Variants in MOB1B observed in about 807,000 individuals in gnomAD.
MOB1B encodes MOB1 Mps One Binder homolog B.
In MOB1B, 19 loss-of-function variants were observed where a neutral mutation model predicts 24.4. The observed-to-expected ratio is 0.78, with a 90% CI of 0.54 to 1.14. The LOEUF (loss-of-function observed/expected upper bound fraction) is 1.14, where lower values mean the gene tolerates loss of function less well. Among genes scored for constraint, MOB1B ranks in the 50% most tolerant of loss-of-function variants. The probability of loss-of-function intolerance (pLI) is 0.00; values close to 1 mark genes in which losing one functional copy is unlikely to be tolerated. For missense variants in MOB1B, 243 were observed against 259.6 expected (o/e 0.94, Z 0.44); for synonymous variants, 76 against 82.1 (o/e 0.93, Z 0.40).
At chr4:70,950,427 CAAAA>C (rs34937726) in intron 1 of MOB1B, among the ~76,000 whole-genome samples, 7 of 70,404 alleles carry the variant, frequency 9.9e-5, no homozygotes, top group Non-Finnish European at 1.7e-4. Context: ...GTCTCTGTAT[CAAAA>C]AAAAAAAAAA....
At chr4:70,957,289 A>G (rs1425823728) in intron 1 of MOB1B, among the ~76,000 whole-genome samples, 4 of 151,008 alleles carry the variant, frequency 2.6e-5, no homozygotes, top group East Asian at 1.9e-4. Flanking sequence ...CAGAAAAAAA[A>G]AAGTTCCCAC....
Position 70,983,767 on chromosome 4 carries a change from C to G in MOB1B, c.*1710C>G, listed in dbSNP as rs1029906987. 1 of 152,604 alleles carries G rather than the reference C, an allele frequency of 6.6e-6. No individual in the cohort carries two copies. Among genetic ancestry groups the G allele is most frequent in the African/African-American group, 2.4e-5 (1 of 41,462 alleles). The allele number at this position is 152,604 out of a possible 1,614,324, so 9.5% of individuals were successfully genotyped here. On this transcript the variant is annotated 3_prime_UTR_variant, in exon 6 of 6. Coordinates refer to ENST00000309395, the MANE Select transcript of MOB1B (RefSeq NM_173468.4). Reference sequence around the variant, plus strand: ...CTAGAAACTGCCTTTTTCTCCACTTCATTTCTAGCAATTATTTACCAAGTA... The same window carrying G: ...CTAGAAACTGCCTTTTTCTCCACTTGATTTCTAGCAATTATTTACCAAGTA...
chr4:70,951,606 A>T (rs1002305605), intron 1 of MOB1B, among the ~76,000 whole-genome samples: 2 of 152,228 alleles, frequency 1.3e-5, no homozygotes, highest in African/African-American at 4.8e-5. Context: ...TCTAGTCAGC[A>T]TTCCATAGTG....
intron 1 of MOB1B, among the ~76,000 whole-genome samples, chr4:70,917,036 G>A (rs1245569006): frequency 6.6e-6 from 1 of 152,194 alleles, no homozygotes; most frequent in African/African-American, 2.4e-5. Flanking sequence ...GCTATAGAGT[G>A]TATTATGAGG....
intron 1 of MOB1B, among the ~76,000 whole-genome samples, chr4:70,948,264 A>G (rs150621889): frequency 1.3e-5 from 2 of 152,140 alleles, no homozygotes; most frequent in Non-Finnish European, 2.9e-5. Flanking sequence ...TCCACTGTTC[A>G]CTTTTATAAT....
intron 1 of MOB1B, among the ~76,000 whole-genome samples, chr4:70,913,336 G>A (rs1331210453): frequency 6.6e-6 from 1 of 151,918 alleles, no homozygotes; most frequent in African/African-American, 2.4e-5. Flanking sequence ...TCACTCTGTT[G>A]CCCAGGCTGG....
chr4:70,937,260 A>G (rs1302163075), intron 1 of MOB1B, among the ~76,000 whole-genome samples: 2 of 151,260 alleles, frequency 1.3e-5, no homozygotes, highest in African/African-American at 4.9e-5. Flanking sequence ...GATCTTTTAT[A>G]TGGGACTTCT....
chr4:70,983,243 T>C lies in MOB1B; in HGVS notation c.*1186T>C, dbSNP rs2148906394. On this transcript the variant is annotated 3_prime_UTR_variant, in exon 6 of 6. Coordinates refer to ENST00000309395, the MANE Select transcript of MOB1B (RefSeq NM_173468.4). ...AGTGAATGGAGCTGATGTTTGCCTG[T>C]CATTTTAAGATGATACCATACCTTC... The C allele has an allele frequency of 6.5e-6, 1 of 152,694 alleles. No individual in the cohort carries two copies. Among genetic ancestry groups the C allele is most frequent in the East Asian group, 1.9e-4 (1 of 5,186 alleles). 9.5% of individuals were successfully genotyped at this position (152,694 alleles called of 1,614,324 possible).
At position 70,902,577 on chromosome 4, in the gene MOB1B, G is replaced by A. The variant is rs964180038; in HGVS notation, c.14+27G>A. ...TGAGTAGCCAGGCCCCGCACGCGCC[G>A]GCTTTGTTCGGGTGGACCTGGGCCC... On this transcript the variant is annotated intron_variant, in intron 1 of 5. Transcript: ENST00000309395. 6 of 1,544,968 alleles carry A rather than the reference G, an allele frequency of 3.9e-6. No homozygotes were observed. The Admixed American group carries it at 9.7e-5, about 25-fold the overall frequency.
intron 1 of MOB1B, among the ~76,000 whole-genome samples, chr4:70,932,094 G>A (rs1315907373): frequency 6.6e-6 from 1 of 152,166 alleles, no homozygotes; most frequent in Non-Finnish European, 1.5e-5. Flanking sequence ...ACTCAAGCCT[G>A]TATCTGTGGA....
In MOB1B at chr4:70,929,576, GC is replaced by G. The variant is rs748710146; in HGVS notation, c.14+27027del. ...GCTTATTGTGGCCTCCACCTCCTGGGCTCAGATGATCCTCTTACCTCAGCCT... is the reference window on the plus strand; with the variant it reads ...GCTTATTGTGGCCTCCACCTCCTGGGTCAGATGATCCTCTTACCTCAGCCT... On this transcript the variant is annotated intron_variant, in intron 1 of 5. Transcript: ENST00000309395. Among the ~76,000 whole-genome samples the G allele has an allele frequency of 5.3e-5, 8 of 152,120 alleles. No homozygotes were observed. The East Asian group carries it at 9.7e-4, about 18-fold the overall frequency.
In MOB1B at chr4:70,904,758, CAAAAAA is replaced by C. The variant is rs376732470; in HGVS notation, c.14+2221_14+2226del. 1.8e-4 allele frequency among the ~76,000 whole-genome samples: 11 copies of C among 62,692 alleles called. No individual in the cohort carries two copies. In the South Asian group the frequency reaches 2.4e-3, roughly 14 times the overall value. The allele number at this position is 62,692 out of a possible 152,430, so 41.1% of individuals were successfully genotyped here. ...TGGGTGGCAGAGTGAGACTCTGTCT[CAAAAAA>C]AAAAAAAAAAAAGGTTAAAGCAGGG... On this transcript the variant is annotated intron_variant, in intron 1 of 5. Coordinates refer to ENST00000309395, the MANE Select transcript of MOB1B (RefSeq NM_173468.4).
At chr4:70,967,646 C>G (rs1031705393) in intron 2 of MOB1B, among the ~76,000 whole-genome samples, 2 of 151,526 alleles carry the variant, frequency 1.3e-5, no homozygotes, top group African/African-American at 2.4e-5. Context: ...GTTGTCAGCT[C>G]TTGGGTTAAT....
chr4:70,976,553 C>G, intron 4 of MOB1B: 1 of 984,980 alleles, frequency 1.0e-6, no homozygotes. Context: ...TCTCAAACTT[C>G]TGACAACTGA....
At chr4:70,919,056 G>T (rs1307159735) in intron 1 of MOB1B, among the ~76,000 whole-genome samples, 1 of 150,292 alleles carries the variant, frequency 6.7e-6, no homozygotes, top group Non-Finnish European at 1.5e-5. Flanking sequence ...ACTATCGCAA[G>T]AACAAAAAAC....
intron 1 of MOB1B, among the ~76,000 whole-genome samples, chr4:70,925,576 T>C (rs10020830): frequency 0.02 from 3,101 of 152,260 alleles, 93 homozygotes; most frequent in African/African-American, 0.069. Flanking sequence ...CTTGAGAAGT[T>C]TGCTGTAGAC....
Position 70,985,369 on chromosome 4 carries a change from C to T in MOB1B, c.*3312C>T, listed in dbSNP as rs1739345441. Reference sequence around the variant, plus strand: ...GGTTCTTTTGGGAGCACTGTTTATTCCAGCTATACTGCAAAAGTATAATGT... The same window carrying T: ...GGTTCTTTTGGGAGCACTGTTTATTTCAGCTATACTGCAAAAGTATAATGT... On this transcript the variant is annotated 3_prime_UTR_variant, in exon 6 of 6. Transcript: ENST00000309395. 1 of 152,040 alleles carries T rather than the reference C, an allele frequency of 6.6e-6. No individual in the cohort carries two copies. The highest frequency in any genetic ancestry group is 2.1e-4 in the South Asian group (1 of 4,818). The allele number at this position is 152,040 out of a possible 1,614,324, so 9.4% of individuals were successfully genotyped here.
rs1023168816 is a variant in MOB1B, at chr4:70,982,137, A to T, written c.*80A>T. ...GGGGATTTTGTTATATTTTGTTTTTATCTGGATTGTTTTTGTCCTAGGTTT... is the reference window on the plus strand; with the variant it reads ...GGGGATTTTGTTATATTTTGTTTTTTTCTGGATTGTTTTTGTCCTAGGTTT... On this transcript the variant is annotated 3_prime_UTR_variant, in exon 6 of 6. Coordinates refer to ENST00000309395, the MANE Select transcript of MOB1B (RefSeq NM_173468.4). 7 of 1,080,232 alleles carry T rather than the reference A, an allele frequency of 6.5e-6. No individual in the cohort carries two copies. The African/African-American group carries it at 1.1e-4, about 17-fold the overall frequency. The allele number at this position is 1,080,232 out of a possible 1,614,324, so 66.9% of individuals were successfully genotyped here.
intron 1 of MOB1B, among the ~76,000 whole-genome samples, chr4:70,932,454 A>T (rs999760438): frequency 5.9e-5 from 9 of 152,176 alleles, no homozygotes; most frequent in African/African-American, 2.2e-4. Context: ...AAATAATAAT[A>T]GTAAATGGGT....
Sources: allele counts gnomAD v4.1 joint callset (sites outside exome capture counted in the v4.1 genomes callset), GRCh38; gene constraint gnomAD v4.1.1; transcripts MANE v1.5; gene names NCBI Gene and HGNC (gene_info 2026-07-23, HGNC 2026-07-21).